Variants in CFAP410 observed in about 807,000 individuals in gnomAD.
The protein encoded by CFAP410 is cilia- and flagella-associated protein 410.
In CFAP410, 27 loss-of-function variants were observed where a neutral mutation model predicts 25.7. That is an observed-to-expected ratio of 1.05 (90% CI 0.77 to 1.45). The LOEUF (loss-of-function observed/expected upper bound fraction) is 1.45. Ranked by LOEUF, CFAP410 falls within the 40% of genes most tolerant of loss-of-function variation. CFAP410 has a pLI of 0.00. For synonymous variants in CFAP410, 178 were observed against 158.4 expected (o/e 1.12, Z -0.93); for missense variants, 428 against 354.1 (o/e 1.21, Z -1.67).
At position 44,338,462 on chromosome 21, in the gene CFAP410, C is replaced by G. The variant is rs781717655; in HGVS notation, c.77+656G>C. 6.5e-5 allele frequency: 29 copies of G among 445,632 alleles called. 1 individual carries two copies. Among genetic ancestry groups the G allele is most frequent in the South Asian group, 5.0e-4 (29 of 57,980 alleles). 27.6% of individuals were successfully genotyped at this position (445,632 alleles called of 1,614,324 possible). On this transcript the variant is annotated intron_variant, in intron 1 of 6. Coordinates refer to ENST00000339818, the MANE Select transcript of CFAP410 (RefSeq NM_004928.3). The stretch of plus-strand genomic sequence containing the variant: ...TGCCTTTCAGCCTGCCTGGGTCCCA[C>G]CGCACCCACGTCCCTTCCTGTCACC...
intron 3 of CFAP410, chr21:44,333,931 G>A (rs375476483): frequency 1.4e-5 from 5 of 359,926 alleles, no homozygotes; most frequent in Non-Finnish European, 2.2e-5. Flanking sequence ...TCCGGCAGGC[G>A]CCTCAGAAGG....
chr21:44,333,808 C>T (rs969864155), intron 3 of CFAP410: 21 of 341,478 alleles, frequency 6.1e-5, no homozygotes, highest in African/African-American at 3.7e-4. Flanking sequence ...GACCTGCAGG[C>T]TTTACCCTGC....
At position 44,331,210 on chromosome 21, in the gene CFAP410, G is replaced by A. The variant is rs532608064; in HGVS notation, c.546-291C>T. On this transcript the variant is annotated intron_variant, in intron 5 of 6. Transcript: ENST00000339818. ...TTCAGGGGCAGGGTGGGGGGCACCC[G>A]AACACACAAATGCCGGGGGAGAGCT... 347 of 511,036 alleles carry A rather than the reference G, an allele frequency of 6.8e-4. 6 individuals are homozygous for A. Among genetic ancestry groups the A allele is most frequent in the South Asian group, 5.9e-3 (210 of 35,688 alleles). The allele number at this position is 511,036 out of a possible 1,614,324, so 31.7% of individuals were successfully genotyped here.
At chr21:44,331,369 G>A (rs1416166086) in intron 5 of CFAP410, 2 of 250,598 alleles carry the variant, frequency 8.0e-6, no homozygotes, top group Non-Finnish European at 1.5e-5. Flanking sequence ...TCTGTCAAAT[G>A]CGTTCGTGAC....
intron 1 of CFAP410, chr21:44,338,155 T>C (rs1198158613): frequency 1.5e-6 from 1 of 652,204 alleles, no homozygotes; most frequent in Non-Finnish European, 2.2e-6. Flanking sequence ...TGAAAGCAAA[T>C]GACACGGGAA....
At chr21:44,333,003 A>G in intron 4 of CFAP410, 30 bp downstream of exon 4, 1 of 1,445,658 alleles carries the variant, frequency 6.9e-7, no homozygotes, top group Non-Finnish European at 9.5e-7. Flanking sequence ...TTGTTTTGGG[A>G]GGGCCGGTGA....
intron 3 of CFAP410, chr21:44,334,147 G>A (rs1602082559): frequency 2.2e-6 from 1 of 456,314 alleles, no homozygotes; most frequent in South Asian, 1.5e-5. Flanking sequence ...GACCGCGTCC[G>A]CGGCCTCGAG....
rs200049699 is a variant in CFAP410, at chr21:44,333,228, G to A, written c.178C>T (p.Arg60Trp). Residue 60 changes from arginine to tryptophan, a missense_variant, in exon 4 of 7, where the codon CGG becomes TGG. Transcript: ENST00000339818. ...TACAGCTCACTCAGGCGCTGGCACC[G>A]GCTCACAGGCTCCAGGGTGGAGATG... ...NSISTLEPVS[R>W]CQRLSELYLR... is the part of the protein sequence containing the mutation. 5.0e-5 allele frequency: 81 copies of A among 1,612,522 alleles called. No individual in the cohort carries two copies. Among genetic ancestry groups the A allele is most frequent in the Non-Finnish European group, 3.1e-5 (36 of 1,179,826 alleles).
intron 5 of CFAP410, 171 bp downstream of exon 5, chr21:44,331,671 TG>T: frequency 1.6e-6 from 1 of 626,296 alleles, no homozygotes; most frequent in Non-Finnish European, 2.6e-6. Context: ...AATCACTACC[TG>T]GGCACTGAGT....
In CFAP410 at chr21:44,339,108, C is replaced by A. The variant is rs2146091084; in HGVS notation, c.77+10G>T. 6.9e-7 allele frequency: 1 copy of A among 1,447,046 alleles called. No homozygotes were observed. The highest frequency in any genetic ancestry group is 9.2e-7 in the Non-Finnish European group (1 of 1,092,678). 89.6% of individuals were successfully genotyped at this position (1,447,046 alleles called of 1,614,324 possible). On this transcript the variant is annotated intron_variant, in intron 1 of 6. Transcript: ENST00000339818. ...CACCCCGGGGCGGCCGCGGCCAGGC[C>A]CCGCCTCACCAGCAGTTGAGCTTGC...
At chr21:44,331,759 C>A (rs1602075543) in intron 5 of CFAP410, 84 bp downstream of exon 5, 2 of 1,318,926 alleles carry the variant, frequency 1.5e-6, no homozygotes, top group East Asian at 5.0e-5. Context: ...AGACGCAGCT[C>A]ACGGGAAGCC....
At chr21:44,332,350 C>T (rs773640604) in intron 4 of CFAP410, 10 of 261,094 alleles carry the variant, frequency 3.8e-5, no homozygotes, top group Non-Finnish European at 5.7e-5. Context: ...TCTCATATAT[C>T]AATTTCCCTG....
rs1208158221 is a variant in CFAP410, at chr21:44,330,200, A to G, written c.769T>C (p.Ter257ArgextTer103). The change falls in exon 7 of 7, where the codon TGA becomes CGA. Residue 257 changes from the stop codon to arginine (R), a stop_lost. Coordinates refer to ENST00000339818, the MANE Select transcript of CFAP410 (RefSeq NM_004928.3). ...GGAGCGGCGTTCAGGTCCTGCGGTC[A>G]CTCGGCGTGCTCCTGCACCTCTTCC... is the stretch of plus-strand genomic sequence containing the variant. ...RGEEVQEHAE* is the reference protein window; with the variant it reads ...RGEEVQEHAER 1 of 1,563,802 alleles carries G rather than the reference A, an allele frequency of 6.4e-7. No homozygotes were observed. The highest frequency in any genetic ancestry group is 8.6e-7 in the Non-Finnish European group (1 of 1,159,406).
At chr21:44,332,276 C>G (rs1006680302) in intron 4 of CFAP410, 1 of 430,354 alleles carries the variant, frequency 2.3e-6, no homozygotes, top group Non-Finnish European at 4.1e-6. Flanking sequence ...AGCAAATACT[C>G]CTCAAAACCT....
Position 44,330,295 on chromosome 21 carries a change from C to CGCAGCA in CFAP410, c.668_673dup (p.Leu223_Leu224dup). The CGCAGCA allele has an allele frequency of 6.2e-7, 1 of 1,610,132 alleles. No homozygotes were observed. Among genetic ancestry groups the CGCAGCA allele is most frequent in the African/African-American group, 1.3e-5 (1 of 75,026 alleles). ...CTCCAGCCCCTCTGCATCCAGCTCCCGCAGCAGCAGCAGGATGGCAGTCAG... is the reference window on the plus strand; with the variant it reads ...CTCCAGCCCCTCTGCATCCAGCTCCCGCAGCAGCAGCAGCAGCAGGATGGCAGTCAG... On this transcript the variant is annotated inframe_insertion, in exon 7 of 7. Transcript: ENST00000339818.
At chr21:44,338,150 G>A (rs954458978) in intron 1 of CFAP410, 3 of 615,062 alleles carry the variant, frequency 4.9e-6, no homozygotes, top group Admixed American at 4.1e-5. Context: ...ATTATTGAAA[G>A]CAAATGACAC....
In CFAP410 at chr21:44,330,925, AG is replaced by A; in HGVS notation, c.546-7del. The A allele has an allele frequency of 6.3e-7, 1 of 1,578,532 alleles. No homozygotes were observed. Among genetic ancestry groups the A allele is most frequent in the Non-Finnish European group, 8.6e-7 (1 of 1,158,418 alleles). Reference sequence around the variant, plus strand: ...GTTCATCCTGGGCGCCGCTGCTGAGAGGGAGACAAAGGCGTGTGAGGGTCAG... The same window carrying A: ...GTTCATCCTGGGCGCCGCTGCTGAGAGGAGACAAAGGCGTGTGAGGGTCAG... On this transcript the variant is annotated splice_polypyrimidine_tract_variant and splice_region_variant and intron_variant, in intron 5 of 6. Coordinates refer to ENST00000339818, the MANE Select transcript of CFAP410 (RefSeq NM_004928.3).
chr21:44,330,624 G>C, intron 6 of CFAP410, 199 bp downstream of exon 6: 1 of 1,549,070 alleles, frequency 6.5e-7, no homozygotes, highest in East Asian at 2.4e-5. Context: ...GCTCCGTGCG[G>C]GGCACGTGTT....
At chr21:44,330,785 G>A (rs754626994) in intron 6 of CFAP410, 38 bp downstream of exon 6, 2 of 1,557,846 alleles carry the variant, frequency 1.3e-6, no homozygotes. Context: ...GGTGCAGTGG[G>A]CAGAGGCAGC....
Sources: allele counts gnomAD v4.1 joint callset, GRCh38; gene constraint gnomAD v4.1.1; transcripts MANE v1.5; gene names NCBI Gene and HGNC (gene_info 2026-07-23, HGNC 2026-07-21).